BMPR1B: variants seen among roughly 807,000 people sequenced by gnomAD.
The protein encoded by BMPR1B is bone morphogenetic protein receptor type-1B.
Under a neutral mutation model 59.1 loss-of-function variants are expected in BMPR1B, and 12 were observed. That is an observed-to-expected ratio of 0.20 (90% CI 0.13 to 0.33). BMPR1B has a LOEUF of 0.33. BMPR1B is among the 10% of genes least tolerant of loss of function. BMPR1B has a pLI of 1.00. For missense variants in BMPR1B, 550 were observed against 610.9 expected (o/e 0.90, Z 1.05); for synonymous variants, 237 against 207.3 (o/e 1.14, Z -1.23).
chr4:94,928,700 A>G (rs747746073), intron 2 of BMPR1B, among the ~76,000 whole-genome samples: 24 of 152,094 alleles, frequency 1.6e-4, no homozygotes, highest in Non-Finnish European at 3.2e-4. Flanking sequence ...GAAAACATGT[A>G]AAGATATAAA....
intron 1 of BMPR1B, among the ~76,000 whole-genome samples, chr4:94,867,284 A>G (rs1053514788): frequency 3.3e-5 from 5 of 152,128 alleles, no homozygotes; most frequent in Admixed American, 6.5e-5. Context: ...AAAGGGGTCA[A>G]CATGTTTGTG....
chr4:95,091,125 T>C (rs1729948418), intron 3 of BMPR1B, among the ~76,000 whole-genome samples: 1 of 152,176 alleles, frequency 6.6e-6, no homozygotes, highest in Non-Finnish European at 1.5e-5. Context: ...TTTCTAGATA[T>C]TTAAATGATG....
At chr4:95,016,969 C>G (rs1377366527) in intron 3 of BMPR1B, among the ~76,000 whole-genome samples, 2 of 152,164 alleles carry the variant, frequency 1.3e-5, no homozygotes, top group Non-Finnish European at 2.9e-5. Flanking sequence ...GACAAGACAA[C>G]AGTAGGGAGA....
intron 3 of BMPR1B, among the ~76,000 whole-genome samples, chr4:95,059,657 T>G (rs1404663320): frequency 6.6e-6 from 1 of 151,816 alleles, no homozygotes; most frequent in Non-Finnish European, 1.5e-5. Flanking sequence ...TATCTTTTTT[T>G]GTTAAATAAA....
intron 2 of BMPR1B, among the ~76,000 whole-genome samples, chr4:94,985,387 C>T (rs1269119519): frequency 6.6e-6 from 1 of 152,052 alleles, no homozygotes; most frequent in African/African-American, 2.4e-5. Context: ...ACTCAAGAAT[C>T]TCGAGTAGAT....
intron 10 of BMPR1B, among the ~76,000 whole-genome samples, chr4:95,146,053 A>G (rs971556890): frequency 2.6e-5 from 4 of 152,228 alleles, no homozygotes; most frequent in Admixed American, 1.3e-4. Context: ...GATTGGGGCT[A>G]TGCTCTTTGG....
At chr4:95,095,563 A>G (rs1274676733) in intron 3 of BMPR1B, among the ~76,000 whole-genome samples, 1 of 152,020 alleles carries the variant, frequency 6.6e-6, no homozygotes, top group Non-Finnish European at 1.5e-5. Context: ...CTGGTGTAGA[A>G]GGTGAAGAAC....
At chr4:94,946,769 GGT>G (rs1445750574) in intron 2 of BMPR1B, among the ~76,000 whole-genome samples, 2 of 152,030 alleles carry the variant, frequency 1.3e-5, no homozygotes, top group Non-Finnish European at 1.5e-5. Flanking sequence ...GGGCAAATTT[GGT>G]CAGGCGTGGT....
intron 3 of BMPR1B, among the ~76,000 whole-genome samples, chr4:95,089,184 G>A (rs1469584995): frequency 1.3e-5 from 2 of 152,112 alleles, no homozygotes; most frequent in African/African-American, 4.8e-5. Context: ...ATATTTCAAG[G>A]TGGAAAAACA....
intron 3 of BMPR1B, among the ~76,000 whole-genome samples, chr4:95,000,814 A>G (rs2149108866): frequency 6.6e-6 from 1 of 152,334 alleles, no homozygotes; most frequent in East Asian, 1.9e-4. Flanking sequence ...GGAATGAGGC[A>G]TAAAGGATTT....
intron 2 of BMPR1B, among the ~76,000 whole-genome samples, chr4:94,954,095 A>G (rs1288770981): frequency 6.6e-6 from 1 of 151,908 alleles, no homozygotes; most frequent in Non-Finnish European, 1.5e-5. Context: ...TTCTTGTGCT[A>G]TGTTTTTCAG....
At chr4:94,770,184 TTG>T (rs1243036149) in intron 1 of BMPR1B, among the ~76,000 whole-genome samples, 1,529 of 39,720 alleles carry the variant, frequency 0.038, 64 homozygotes, top group East Asian at 0.22. Flanking sequence ...GTTTCTGTGT[TTG>T]TTTTTTTTTT....
chr4:94,776,273 A>G (rs1722366900), intron 1 of BMPR1B, among the ~76,000 whole-genome samples: 1 of 152,182 alleles, frequency 6.6e-6, no homozygotes, highest in Admixed American at 6.5e-5. Flanking sequence ...AAGAAAAGCA[A>G]GGAAATATTT....
intron 2 of BMPR1B, among the ~76,000 whole-genome samples, chr4:94,985,151 C>G (rs1277123869): frequency 2.0e-5 from 3 of 151,794 alleles, no homozygotes; most frequent in Admixed American, 6.6e-5. Context: ...GGTGGAAAGG[C>G]CTTTATTCTA....
intron 2 of BMPR1B, among the ~76,000 whole-genome samples, chr4:94,993,336 C>T (rs923806676): frequency 6.6e-6 from 1 of 152,180 alleles, no homozygotes; most frequent in African/African-American, 2.4e-5. Flanking sequence ...TTATTCATAA[C>T]ACTCTTTCTC....
At chr4:95,083,399 C>A (rs1729325161) in intron 3 of BMPR1B, among the ~76,000 whole-genome samples, 2 of 151,994 alleles carry the variant, frequency 1.3e-5, no homozygotes, top group Admixed American at 6.6e-5. Context: ...TGGCTACAGG[C>A]TGATATTTGT....
At chr4:94,936,401 C>T (rs758502424) in intron 2 of BMPR1B, among the ~76,000 whole-genome samples, 3 of 152,160 alleles carry the variant, frequency 2.0e-5, no homozygotes, top group Non-Finnish European at 4.4e-5. Context: ...AGACTATTTA[C>T]TGCTTTCAAA....
intron 2 of BMPR1B, among the ~76,000 whole-genome samples, chr4:94,990,334 A>G (rs1028147386): frequency 6.6e-6 from 1 of 152,172 alleles, no homozygotes; most frequent in African/African-American, 2.4e-5. Flanking sequence ...CAGCCTGGGC[A>G]ACAGAATGAG....
intron 1 of BMPR1B, among the ~76,000 whole-genome samples, chr4:94,793,189 C>T (rs1723050584): frequency 6.6e-6 from 1 of 151,894 alleles, no homozygotes; most frequent in African/African-American, 2.4e-5. Flanking sequence ...CACAACAGTC[C>T]TCAGAGTGTG....
Sources: allele counts gnomAD v4.1 joint callset (sites outside exome capture counted in the v4.1 genomes callset), GRCh38; gene constraint gnomAD v4.1.1; transcripts MANE v1.5; gene names NCBI Gene and HGNC (gene_info 2026-07-23, HGNC 2026-07-21).